XPR1: variants seen among roughly 807,000 people sequenced by gnomAD.
The protein encoded by XPR1 is xenotropic and polytropic retrovirus receptor 1.
In XPR1, 28 loss-of-function variants were observed where a neutral mutation model predicts 87.5. The ratio of observed to expected loss-of-function variants is 0.32; its 90% CI spans 0.24 to 0.44. XPR1 has a LOEUF of 0.44. XPR1 is among the 20% of genes least tolerant of loss of function. The pLI is 1.00. For synonymous variants in XPR1, 300 were observed against 306.1 expected (o/e 0.98, Z 0.21); for missense variants, 559 against 862.3 (o/e 0.65, Z 4.41).
chr1:180,681,958 C>T (rs1366279668), intron 1 of XPR1, among the ~76,000 whole-genome samples: 1 of 152,240 alleles, frequency 6.6e-6, no homozygotes, highest in Non-Finnish European at 1.5e-5. Flanking sequence ...TTTTATGTTA[C>T]ATGTACCTTA....
At chr1:180,790,445 AAC>A (rs995564639) in intron 3 of XPR1, among the ~76,000 whole-genome samples, 3 of 151,750 alleles carry the variant, frequency 2.0e-5, no homozygotes, top group Admixed American at 2.0e-4. Flanking sequence ...AGGCAGAGGG[AAC>A]AGTTTATATA....
At chr1:180,687,239 C>T (rs1044613737) in intron 2 of XPR1, among the ~76,000 whole-genome samples, 6 of 151,972 alleles carry the variant, frequency 3.9e-5, no homozygotes, top group African/African-American at 1.2e-4. Context: ...ATTTATTCAT[C>T]CCCTTTATGC....
At chr1:180,668,819 G>T (rs1203322284) in intron 1 of XPR1, among the ~76,000 whole-genome samples, 1 of 152,126 alleles carries the variant, frequency 6.6e-6, no homozygotes, top group Non-Finnish European at 1.5e-5. Flanking sequence ...ACTGAGCACG[G>T]TGGCTCACAC....
chr1:180,724,852 G>C (rs1450609222), intron 2 of XPR1, among the ~76,000 whole-genome samples: 3 of 152,148 alleles, frequency 2.0e-5, no homozygotes, highest in Admixed American at 2.0e-4. Flanking sequence ...ATTATAAGAT[G>C]TATACATCAT....
At chr1:180,765,763 A>G (rs1447842723) in intron 2 of XPR1, among the ~76,000 whole-genome samples, 1 of 150,500 alleles carries the variant, frequency 6.6e-6, no homozygotes, top group Non-Finnish European at 1.5e-5. Context: ...TTCGTTCTGC[A>G]GTTGGTTGAA....
At chr1:180,830,309 A>G (rs576165068) in intron 9 of XPR1, among the ~76,000 whole-genome samples, 123 of 152,222 alleles carry the variant, frequency 8.1e-4, no homozygotes, top group Non-Finnish European at 1.6e-3. Context: ...TCATGGAAAG[A>G]TTATGAGAGT....
intron 1 of XPR1, among the ~76,000 whole-genome samples, chr1:180,644,741 C>A (rs932382940): frequency 5.3e-5 from 8 of 151,884 alleles, no homozygotes; most frequent in African/African-American, 1.9e-4. Context: ...TTTCCACATA[C>A]CAGGGGGAGG....
At chr1:180,687,087 T>C (rs1656806615) in intron 2 of XPR1, among the ~76,000 whole-genome samples, 1 of 152,144 alleles carries the variant, frequency 6.6e-6, no homozygotes, top group Non-Finnish European at 1.5e-5. Context: ...CTTTAACTAT[T>C]TTTAAAATAT....
intron 1 of XPR1, among the ~76,000 whole-genome samples, chr1:180,644,490 A>G (rs546600189): frequency 1.4e-5 from 2 of 140,490 alleles, no homozygotes; most frequent in South Asian, 2.2e-4. Flanking sequence ...CTTCTCATCT[A>G]TTGTATGTGA....
rs551554418 is a variant in XPR1 at position 180,812,306 on chromosome 1, A to G, written c.763+818A>G. 5.3e-4 allele frequency among the ~76,000 whole-genome samples: 81 copies of G among 152,232 alleles called. 2 individuals carry two copies. In the South Asian group the frequency reaches 0.012, roughly 22 times the overall value. On this transcript the variant is annotated intron_variant, in intron 7 of 14. Transcript: ENST00000367590. ...TCTATATTTGTTTCCTATCTAGGCA[A>G]TCTTATTCAAGACTATGGCTATAAA...
intron 2 of XPR1, among the ~76,000 whole-genome samples, chr1:180,705,818 G>A (rs781456841): frequency 2.0e-5 from 3 of 152,126 alleles, no homozygotes; most frequent in Non-Finnish European, 4.4e-5. Flanking sequence ...CAATACAAAA[G>A]TAACACAATA....
chr1:180,851,993 A>G (rs1353950082), intron 11 of XPR1, among the ~76,000 whole-genome samples: 3 of 151,638 alleles, frequency 2.0e-5, no homozygotes, highest in African/African-American at 4.9e-5. Context: ...ATCAGGCACT[A>G]CTAGATGCTA....
At chr1:180,634,352 A>G (rs971923824) in intron 1 of XPR1, among the ~76,000 whole-genome samples, 9 of 152,348 alleles carry the variant, frequency 5.9e-5, no homozygotes, top group African/African-American at 2.2e-4. Flanking sequence ...ACAAAATTAA[A>G]TGAGGCGCAC....
Position 180,876,638 on chromosome 1 carries a change from A to C in XPR1, c.1808+2696A>C, listed in dbSNP as rs188262468. 2.4e-3 allele frequency among the ~76,000 whole-genome samples: 369 copies of C among 150,946 alleles called. 1 individual carries two copies. The highest frequency in any genetic ancestry group is 3.9e-3 in the Admixed American group (60 of 15,214). ...GCAACAGAGGGAGACCCTGTCTCAAAAAAAAAAAAAGAAAGAAACCTGTCT... is the reference window on the plus strand; with the variant it reads ...GCAACAGAGGGAGACCCTGTCTCAACAAAAAAAAAAGAAAGAAACCTGTCT... On this transcript the variant is annotated intron_variant, in intron 13 of 14. Coordinates refer to ENST00000367590, the MANE Select transcript of XPR1 (RefSeq NM_004736.4).
At chr1:180,820,517 T>C (rs939328280) in intron 7 of XPR1, among the ~76,000 whole-genome samples, 5 of 152,224 alleles carry the variant, frequency 3.3e-5, no homozygotes, top group Non-Finnish European at 7.3e-5. Flanking sequence ...TGTTTATCCA[T>C]TCATTCATTG....
chr1:180,760,183 A>G (rs1371872801), intron 2 of XPR1, among the ~76,000 whole-genome samples: 2 of 152,204 alleles, frequency 1.3e-5, no homozygotes, highest in African/African-American at 4.8e-5. Flanking sequence ...AACTGGAAGC[A>G]TTCCCTTTGA....
chr1:180,665,417 G>T (rs993002395), intron 1 of XPR1, among the ~76,000 whole-genome samples: 1 of 152,168 alleles, frequency 6.6e-6, no homozygotes, highest in Non-Finnish European at 1.5e-5. Flanking sequence ...GTTCCTAACA[G>T]GCCAAAGACC....
At chr1:180,636,867 C>A (rs1461058963) in intron 1 of XPR1, among the ~76,000 whole-genome samples, 2 of 152,042 alleles carry the variant, frequency 1.3e-5, no homozygotes, top group Non-Finnish European at 2.9e-5. Flanking sequence ...TTCTGGCCAA[C>A]ATGGTGAAAC....
chr1:180,764,675 G>T (rs558987568), intron 2 of XPR1, among the ~76,000 whole-genome samples: 1 of 151,918 alleles, frequency 6.6e-6, no homozygotes, highest in South Asian at 2.1e-4. Flanking sequence ...TTGCCGTGTT[G>T]CCCAGGCTGG....
Sources: allele counts gnomAD v4.1 joint callset (sites outside exome capture counted in the v4.1 genomes callset), GRCh38; gene constraint gnomAD v4.1.1; transcripts MANE v1.5; gene names NCBI Gene and HGNC (gene_info 2026-07-23, HGNC 2026-07-21).